Variants in GLRX2 observed in about 807,000 individuals in gnomAD.
GLRX2 encodes bA101E13.1 (GRX2 glutaredoxin (thioltransferase) 2).
In GLRX2, 12 loss-of-function variants were observed where a neutral mutation model predicts 16.4. The observed-to-expected ratio is 0.73, with a 90% CI of 0.47 to 1.19. The LOEUF (loss-of-function observed/expected upper bound fraction) is 1.19, where lower values mean the gene tolerates loss of function less well. GLRX2 is among the 50% of genes most tolerant of loss of function. GLRX2 has a pLI of 0.00. For missense variants in GLRX2, 201 were observed against 201.8 expected (o/e 1.00, Z 0.02); for synonymous variants, 95 against 76.2 (o/e 1.25, Z -1.28).
At chr1:193,100,954 C>T (rs1675062342) in intron 2 of GLRX2, among the ~76,000 whole-genome samples, 187 bp downstream of exon 2, 2 of 152,156 alleles carry the variant, frequency 1.3e-5, no homozygotes, top group South Asian at 4.1e-4. Flanking sequence ...GTTTTAATTA[C>T]CAAAATGATC....
intron 1 of GLRX2, among the ~76,000 whole-genome samples, chr1:193,102,476 C>T (rs1675099191): frequency 6.6e-6 from 1 of 152,062 alleles, no homozygotes; most frequent in African/African-American, 2.4e-5. Flanking sequence ...CTCAGACTCC[C>T]GAGTCACTGA....
rs748758100 is a variant in GLRX2 at position 193,105,270 on chromosome 1, G to A, written c.113C>T (p.Ala38Val). 2 of 1,527,550 alleles carry A rather than the reference G, an allele frequency of 1.3e-6. No individual in the cohort carries two copies. The highest frequency in any genetic ancestry group is 1.9e-5 in the Admixed American group (1 of 51,638). The allele number at this position is 1,527,550 out of a possible 1,614,324, so 94.6% of individuals were successfully genotyped here. A position where few individuals can be genotyped will look rare whatever the true frequency, so the allele number is the denominator to read the frequency against. The change falls in exon 1 of 4, where the codon GCC (alanine) becomes GTC (valine). Residue 38 changes from alanine to valine, a missense_variant. Transcript: ENST00000367439. ...CTGCCCGCTGACCCCGTACCCAGAGGCCGCAGCTGCCGCAGCTCCCGCAGC... is the reference window on the plus strand; with the variant it reads ...CTGCCCGCTGACCCCGTACCCAGAGACCGCAGCTGCCGCAGCTCCCGCAGC... The part of the protein sequence containing the change: ...AGAAGAAAAA[A>V]SGMESNTSSS...
chr1:193,104,035 G>A (rs1468523283), intron 1 of GLRX2, among the ~76,000 whole-genome samples: 6 of 152,194 alleles, frequency 3.9e-5, no homozygotes, highest in African/African-American at 1.4e-4. Context: ...AAGAAAGCAA[G>A]TCCTTTCATC....
chr1:193,101,328 T>G, intron 1 of GLRX2, 124 bp from the exon 2 acceptor site: 1 of 672,642 alleles, frequency 1.5e-6, no homozygotes, highest in Non-Finnish European at 2.6e-6. Flanking sequence ...AGAAAAAAAT[T>G]TTACTTATTA....
At position 193,104,484 on chromosome 1, in the gene GLRX2, G is replaced by T. The variant is rs575881839; in HGVS notation, c.119+780C>A. Among the ~76,000 whole-genome samples, 15 of 152,330 alleles carry T rather than the reference G, an allele frequency of 9.8e-5. No homozygotes were observed. The South Asian group carries it at 1.2e-3, about 13-fold the overall frequency. The stretch of plus-strand genomic sequence containing the variant: ...CAGGAGGGGTCTCTAGCTTGGTCTG[G>T]AAAGTTAAACTTGAGATTCCTAGAA... On this transcript the variant is annotated intron_variant, in intron 1 of 3. Transcript: ENST00000367439.
chr1:193,105,281 C>G lies in GLRX2; in HGVS notation c.102G>C (p.Ala34=), dbSNP rs761532101. Residue 34 remains alanine, a synonymous_variant, in exon 1 of 4, where the codon GCG becomes GCC. Transcript: ENST00000367439. ...LDRAAGAAGA[A]AAAASGMESN... is the part of the protein sequence containing the mutation. ...CCCCGTACCCAGAGGCCGCAGCTGC[C>G]GCAGCTCCCGCAGCTCCCGCCGCCC... The G allele has an allele frequency of 6.6e-7, 1 of 1,525,564 alleles. No individual in the cohort carries two copies. Among genetic ancestry groups the G allele is most frequent in the Non-Finnish European group, 8.7e-7 (1 of 1,145,042 alleles). The allele number at this position is 1,525,564 out of a possible 1,614,324, so 94.5% of individuals were successfully genotyped here.
At chr1:193,098,276 C>T (rs1675000889) in intron 2 of GLRX2, among the ~76,000 whole-genome samples, 1 of 152,126 alleles carries the variant, frequency 6.6e-6, no homozygotes, top group Non-Finnish European at 1.5e-5. Context: ...TACAGTGGCT[C>T]ATACCTGTAA....
At position 193,097,767 on chromosome 1, in the gene GLRX2, T is replaced by A. The variant is rs774028272; in HGVS notation, c.184-7A>T. ...AATTATCAGAAATTGTTTCCTGAAA[T>A]AAAACCACAAAAAATCATTTTAATT... is the stretch of plus-strand genomic sequence containing the variant. On this transcript the variant is annotated splice_polypyrimidine_tract_variant and splice_region_variant and intron_variant, in intron 2 of 3. Coordinates refer to ENST00000367439, the MANE Select transcript of GLRX2 (RefSeq NM_197962.3). The A allele has an allele frequency of 3.2e-6, 5 of 1,557,780 alleles. No homozygotes were observed. Among genetic ancestry groups the A allele is most frequent in the Admixed American group, 4.0e-5 (2 of 50,368 alleles).
Position 193,096,554 on chromosome 1 carries a change from T to G in GLRX2, c.*71A>C. ...ATGTATTTAAAACATCCTCAAACAT[T>G]TAAAAGACATTATCGGGCATTACCA... On this transcript the variant is annotated 3_prime_UTR_variant, in exon 4 of 4. Transcript: ENST00000367439. 1.3e-6 allele frequency: 1 copy of G among 793,396 alleles called. No homozygotes were observed. The highest frequency in any genetic ancestry group is 2.6e-5 in the East Asian group (1 of 38,062). 49.1% of individuals were successfully genotyped at this position (793,396 alleles called of 1,614,324 possible).
At chr1:193,105,855 C>T (rs1044674408), upstream of GLRX2, 1 of 1,235,724 alleles carries the variant, frequency 8.1e-7, no homozygotes. Flanking sequence ...AATATATCCT[C>T]TTATAATTAG....
intron 2 of GLRX2, among the ~76,000 whole-genome samples, chr1:193,099,548 T>C (rs897302682): frequency 6.6e-6 from 1 of 152,100 alleles, no homozygotes; most frequent in African/African-American, 2.4e-5. Flanking sequence ...CCCAAGCTGG[T>C]GTTGAACTCC....
upstream of GLRX2, chr1:193,105,622 T>A: frequency 1.2e-6 from 2 of 1,604,260 alleles, no homozygotes; most frequent in Non-Finnish European, 1.7e-6. Context: ...GCTCACTTGC[T>A]TATCTCGAGG....
chr1:193,099,203 GA>G (rs1239106209), intron 2 of GLRX2, among the ~76,000 whole-genome samples: 1 of 152,210 alleles, frequency 6.6e-6, no homozygotes, highest in Non-Finnish European at 1.5e-5. Flanking sequence ...CAATGGCTAT[GA>G]GATTCTGCTA....
Position 193,097,581 on chromosome 1 carries a change from C to T in GLRX2, c.360+3G>A. Reference sequence around the variant, plus strand: ...GGAACAGCACCACAGAGGATATACTCACAGTTCTTTCACCAGTCATTTTGT... The same window carrying T: ...GGAACAGCACCACAGAGGATATACTTACAGTTCTTTCACCAGTCATTTTGT... On this transcript the variant is annotated splice_donor_region_variant and intron_variant, in intron 3 of 3. Coordinates refer to ENST00000367439, the MANE Select transcript of GLRX2 (RefSeq NM_197962.3). 1 of 1,602,648 alleles carries T rather than the reference C, an allele frequency of 6.2e-7. No homozygotes were observed. The highest frequency in any genetic ancestry group is 8.5e-7 in the Non-Finnish European group (1 of 1,174,974).
At chr1:193,103,152 C>T (rs1000956560) in intron 1 of GLRX2, among the ~76,000 whole-genome samples, 1 of 151,788 alleles carries the variant, frequency 6.6e-6, no homozygotes, top group African/African-American at 2.4e-5. Flanking sequence ...TTAAGTGAAA[C>T]GGTGAAAGTT....
chr1:193,105,383 G>C lies in GLRX2; in HGVS notation c.-1C>G. ...CCAGCGCCGCGCGGCGCCAAATCAT[G>C]GTCAGAGCCCGGATCTGCAGCGAGC... On this transcript the variant is annotated 5_prime_UTR_variant, in exon 1 of 4. Coordinates refer to ENST00000367439, the MANE Select transcript of GLRX2 (RefSeq NM_197962.3). 6.5e-7 allele frequency: 1 copy of C among 1,541,568 alleles called. No individual in the cohort carries two copies. Among genetic ancestry groups the C allele is most frequent in the Non-Finnish European group, 8.7e-7 (1 of 1,154,476 alleles).
At position 193,105,349 on chromosome 1, in the gene GLRX2, G is replaced by T; in HGVS notation, c.34C>A (p.Arg12=). ...IWRRAALAGT[R]LVWSRSGSAG... ...GAGCCGCTCCTGCTCCAAACCAGCC[G>T]CGTCCCCGCCAGCGCCGCGCGGCGC... Residue 12 remains arginine, a synonymous_variant, in exon 1 of 4, where the codon CGG becomes AGG. Transcript: ENST00000367439. The T allele has an allele frequency of 6.5e-7, 1 of 1,547,960 alleles. No homozygotes were observed. Among genetic ancestry groups the T allele is most frequent in the African/African-American group, 1.4e-5 (1 of 70,692 alleles).
chr1:193,096,762 G>T lies in GLRX2; in HGVS notation c.361-3C>A, dbSNP rs1214674189. On this transcript the variant is annotated splice_region_variant and splice_polypyrimidine_tract_variant and intron_variant, in intron 3 of 3. Coordinates refer to ENST00000367439, the MANE Select transcript of GLRX2 (RefSeq NM_197962.3). Reference sequence around the variant, plus strand: ...CCATTGACAAATATTCTTGGAACCTGTTGGACAAACAAAAGAAGAATTAGG... The same window carrying T: ...CCATTGACAAATATTCTTGGAACCTTTTGGACAAACAAAAGAAGAATTAGG... The T allele has an allele frequency of 1.9e-6, 3 of 1,599,566 alleles. No homozygotes were observed. The highest frequency in any genetic ancestry group is 2.6e-6 in the Non-Finnish European group (3 of 1,173,696).
intron 2 of GLRX2, among the ~76,000 whole-genome samples, chr1:193,100,461 G>A (rs780885630): frequency 1.3e-5 from 2 of 152,158 alleles, no homozygotes; most frequent in Non-Finnish European, 2.9e-5. Context: ...GCAACAGAGC[G>A]AGACGCTGCC....
Sources: allele counts gnomAD v4.1 joint callset (sites outside exome capture counted in the v4.1 genomes callset), GRCh38; gene constraint gnomAD v4.1.1; transcripts MANE v1.5; gene names NCBI Gene and HGNC (gene_info 2026-07-23, HGNC 2026-07-21).